The following GRM8 variants were observed in gnomAD, a reference collection of about 807,000 sequenced individuals.
The protein encoded by GRM8 is glutamate metabotropic receptor 8, also known as metabotropic glutamate receptor 8.
GRM8 carries 47 observed loss-of-function variants against 87.2 expected under a neutral mutation model. The observed-to-expected ratio is 0.54, with a 90% CI of 0.43 to 0.69. The LOEUF (loss-of-function observed/expected upper bound fraction) is 0.69, where lower values mean the gene tolerates loss of function less well. Among genes scored for constraint, GRM8 ranks in the 30% least tolerant of loss-of-function variants. The pLI, the probability that GRM8 is intolerant of heterozygous loss-of-function variation, is 0.00. For missense variants in GRM8, 1,019 were observed against 1,139.2 expected (o/e 0.89, Z 1.52); for synonymous variants, 396 against 404.5 (o/e 0.98, Z 0.25).
At chr7:126,520,164 A>G (rs1812766683) in intron 9 of GRM8, among the ~76,000 whole-genome samples, 1 of 152,148 alleles carries the variant, frequency 6.6e-6, no homozygotes, top group South Asian at 2.1e-4. Flanking sequence ...ATTTGTTGAC[A>G]GAGTCTAAAC....
intron 2 of GRM8, chr7:127,229,208 A>G (rs879279901): frequency 1.3e-5 from 2 of 152,194 alleles, no homozygotes; most frequent in Admixed American, 6.5e-5. Context: ...TTCTCCCAGC[A>G]TGTGCTAAAC....
At chr7:126,640,595 T>C (rs1281434169) in intron 7 of GRM8, among the ~76,000 whole-genome samples, 1 of 152,098 alleles carries the variant, frequency 6.6e-6, no homozygotes, top group East Asian at 1.9e-4. Context: ...TTAGGGTGGG[T>C]GCATATATAT....
intron 3 of GRM8, among the ~76,000 whole-genome samples, chr7:126,940,224 T>C (rs1442432030): frequency 2.6e-5 from 4 of 152,234 alleles, no homozygotes; most frequent in African/African-American, 9.6e-5. Context: ...AGAAGCTATT[T>C]AGCATGGCTT....
At chr7:126,722,371 CT>C (rs1812480076) in intron 7 of GRM8, among the ~76,000 whole-genome samples, 2 of 152,244 alleles carry the variant, frequency 1.3e-5, no homozygotes, top group Admixed American at 6.5e-5. Flanking sequence ...CTCCTACATA[CT>C]TCTTGAATCA....
chr7:126,956,513 T>G (rs904912922), intron 3 of GRM8, among the ~76,000 whole-genome samples: 1 of 152,218 alleles, frequency 6.6e-6, no homozygotes, highest in Non-Finnish European at 1.5e-5. Flanking sequence ...ACTTTAAGTT[T>G]TAGGGTACAT....
In GRM8 at chr7:126,685,605, T is replaced by G. The variant is rs1049433092; in HGVS notation, c.1358-76107A>C. Among the ~76,000 whole-genome samples, 1 of 152,100 alleles carries G rather than the reference T, an allele frequency of 6.6e-6. No individual in the cohort carries two copies. The highest frequency in any genetic ancestry group is 1.9e-4 in the East Asian group (1 of 5,154). ...GGTTGGGGCCAAGCCTGAGCACTGT[T>G]GCAGTTTGGCCAGGGGCATATGCTC... On this transcript the variant is annotated intron_variant, in intron 7 of 10. Coordinates refer to ENST00000339582, the MANE Select transcript of GRM8 (RefSeq NM_000845.3). This position sits in a 1 kb window ranked among gnomAD's most constrained non-coding sequence, Gnocchi z 4.2.
intron 7 of GRM8, among the ~76,000 whole-genome samples, chr7:126,687,005 T>C (rs1231568567): frequency 2.6e-5 from 4 of 152,272 alleles, no homozygotes; most frequent in African/African-American, 7.2e-5. Context: ...CTTTTTATAA[T>C]GCTTTTAAAA....
intron 7 of GRM8, among the ~76,000 whole-genome samples, chr7:126,633,923 AT>A (rs1399619200): frequency 2.0e-5 from 3 of 151,982 alleles, no homozygotes; most frequent in Non-Finnish European, 4.4e-5. Flanking sequence ...TATTTCTCAT[AT>A]TTTTAGTATA....
intron 3 of GRM8, among the ~76,000 whole-genome samples, chr7:126,997,085 A>G (rs1813245080): frequency 6.6e-6 from 1 of 151,944 alleles, no homozygotes; most frequent in African/African-American, 2.4e-5. Context: ...TTGAAATAAT[A>G]TAAAACATAT....
chr7:126,773,754 G>A (rs113537990), intron 6 of GRM8, among the ~76,000 whole-genome samples: 2,526 of 152,070 alleles, frequency 0.017, 75 homozygotes, highest in African/African-American at 0.057. Flanking sequence ...CCAACATTTC[G>A]AAAGGCTGAG....
intron 2 of GRM8, among the ~76,000 whole-genome samples, chr7:127,205,891 G>C (rs555389833): frequency 9.1e-4 from 139 of 152,102 alleles, no homozygotes; most frequent in African/African-American, 3.2e-3. Flanking sequence ...CCACAAAATA[G>C]GTTCCTCTTT....
chr7:126,543,316 T>A (rs1816753499), intron 8 of GRM8, among the ~76,000 whole-genome samples: 1 of 152,194 alleles, frequency 6.6e-6, no homozygotes, highest in Admixed American at 6.5e-5. Context: ...AACTCATAGG[T>A]TTGAGAAAGA....
intron 7 of GRM8, among the ~76,000 whole-genome samples, chr7:126,664,382 A>G (rs1201039129): frequency 2.0e-5 from 3 of 152,228 alleles, no homozygotes; most frequent in East Asian, 3.8e-4. Context: ...TTCAATTTCA[A>G]ACTATACTTT....
intron 2 of GRM8, among the ~76,000 whole-genome samples, chr7:127,171,283 A>T (rs138966568): frequency 6.6e-6 from 1 of 152,206 alleles, no homozygotes; most frequent in East Asian, 1.9e-4. Context: ...ATTCCTGGTG[A>T]AAATACTGTG....
At chr7:126,625,777 A>G (rs972266791) in intron 7 of GRM8, among the ~76,000 whole-genome samples, 1 of 152,174 alleles carries the variant, frequency 6.6e-6, no homozygotes, top group African/African-American at 2.4e-5. Context: ...AAAAGTAACC[A>G]CAGAGACTAT....
chr7:126,927,256 T>C (rs907878346), intron 3 of GRM8, among the ~76,000 whole-genome samples: 1 of 152,274 alleles, frequency 6.6e-6, no homozygotes, highest in Admixed American at 6.5e-5. Flanking sequence ...CCACATCAGC[T>C]TCCCAAGTAG....
chr7:127,246,473 A>G (rs908524387), intron 1 of GRM8, among the ~76,000 whole-genome samples: 2 of 152,186 alleles, frequency 1.3e-5, no homozygotes, highest in Non-Finnish European at 2.9e-5. Context: ...CCTGAAACCA[A>G]TCTCAGAGGG....
At chr7:126,468,170 C>T (rs1487571479) in intron 9 of GRM8, among the ~76,000 whole-genome samples, 2 of 152,018 alleles carry the variant, frequency 1.3e-5, no homozygotes, top group Non-Finnish European at 2.9e-5. Context: ...AATATCTGCC[C>T]TTATTGCTTG....
chr7:126,952,742 T>C (rs1453353778), intron 3 of GRM8, among the ~76,000 whole-genome samples: 2 of 151,818 alleles, frequency 1.3e-5, no homozygotes, highest in African/African-American at 2.4e-5. Flanking sequence ...CAAGCCCAAA[T>C]TGAGGGGAAT....
Sources: allele counts gnomAD v4.1 joint callset (sites outside exome capture counted in the v4.1 genomes callset), GRCh38; gene constraint gnomAD v4.1.1; non-coding constraint Gnocchi (gnomAD v3.1); transcripts MANE v1.5; gene names NCBI Gene and HGNC (gene_info 2026-07-23, HGNC 2026-07-21).